The following RHBDL2 variants were observed in gnomAD, a reference collection of about 807,000 sequenced individuals.
RHBDL2 encodes the protein rhomboid-related protein 2.
RHBDL2 carries 26 observed loss-of-function variants against 31.7 expected under a neutral mutation model. The observed-to-expected ratio is 0.82, with a 90% CI of 0.60 to 1.14. RHBDL2 has a LOEUF of 1.14. Among genes scored for constraint, RHBDL2 ranks in the 50% most tolerant of loss-of-function variants. The pLI, the probability that RHBDL2 is intolerant of heterozygous loss-of-function variation, is 0.00. For synonymous variants in RHBDL2, 123 were observed against 127.2 expected (o/e 0.97, Z 0.22); for missense variants, 336 against 364.4 (o/e 0.92, Z 0.63).
At chr1:38,908,622 G>T (rs2124321989) in intron 4 of RHBDL2, among the ~76,000 whole-genome samples, 1 of 151,552 alleles carries the variant, frequency 6.6e-6, no homozygotes, top group South Asian at 2.1e-4. Flanking sequence ...TGGGGGTGTT[G>T]TTCGCTTCTT....
chr1:38,931,773 A>G (rs1643442125), intron 1 of RHBDL2, among the ~76,000 whole-genome samples: 1 of 152,132 alleles, frequency 6.6e-6, no homozygotes, highest in Admixed American at 6.5e-5. Context: ...GGGAATAAAG[A>G]CCTATAAATT....
intron 7 of RHBDL2, 107 bp downstream of exon 7, chr1:38,887,856 A>G (rs1642805778): frequency 2.6e-6 from 2 of 766,366 alleles, no homozygotes; most frequent in Non-Finnish European, 2.2e-6. Context: ...CTTAACTTCC[A>G]AATGGAAATT....
intron 4 of RHBDL2, among the ~76,000 whole-genome samples, chr1:38,899,924 G>A (rs556537504): frequency 3.9e-5 from 6 of 152,268 alleles, no homozygotes; most frequent in Non-Finnish European, 7.4e-5. Flanking sequence ...ATCCAGGGCC[G>A]TCCTCCTCTG....
At chr1:38,894,061 T>C (rs1184430003) in intron 5 of RHBDL2, among the ~76,000 whole-genome samples, 1 of 152,202 alleles carries the variant, frequency 6.6e-6, no homozygotes, top group African/African-American at 2.4e-5. Flanking sequence ...ATGTTTACTC[T>C]AAATCAATTA....
intron 7 of RHBDL2, among the ~76,000 whole-genome samples, chr1:38,887,330 C>G (rs2124296483): frequency 6.6e-6 from 1 of 152,342 alleles, no homozygotes; most frequent in Non-Finnish European, 1.5e-5. Context: ...ATCCTCCCAT[C>G]TCAGCTCCCC....
chr1:38,888,146 G>A, intron 6 of RHBDL2, 122 bp from the exon 7 acceptor site: 1 of 618,182 alleles, frequency 1.6e-6, no homozygotes, highest in South Asian at 2.2e-5. Flanking sequence ...CTCTGTGACA[G>A]GTGCTTTTCT....
chr1:38,931,304 G>A (rs1349294708), intron 1 of RHBDL2, among the ~76,000 whole-genome samples: 2 of 152,076 alleles, frequency 1.3e-5, no homozygotes, highest in South Asian at 2.1e-4. Flanking sequence ...GGCAGATCAC[G>A]AGGTCAGGAG....
At position 38,898,259 on chromosome 1, in the gene RHBDL2, G is replaced by A. The variant is rs568995751; in HGVS notation, c.509-2190C>T. 3.3e-5 allele frequency among the ~76,000 whole-genome samples: 5 copies of A among 152,266 alleles called. No homozygotes were observed. The South Asian group carries it at 6.2e-4, about 19-fold the overall frequency. On this transcript the variant is annotated intron_variant, in intron 4 of 7. Transcript: ENST00000372990. ...GCAGAGGTTGCAGGGAGCTGAGATCGCACCACTGCACTCCAGCCTGGTGAC... is the reference window on the plus strand; with the variant it reads ...GCAGAGGTTGCAGGGAGCTGAGATCACACCACTGCACTCCAGCCTGGTGAC...
chr1:38,929,392 C>T (rs1271792322), intron 1 of RHBDL2: 7 of 1,289,080 alleles, frequency 5.4e-6, no homozygotes, highest in Non-Finnish European at 7.1e-6. Context: ...AAATCAGGCT[C>T]ACCTTCCCTT....
chr1:38,924,550 C>T (rs188454074), intron 1 of RHBDL2, among the ~76,000 whole-genome samples: 25 of 151,818 alleles, frequency 1.6e-4, no homozygotes, highest in African/African-American at 5.1e-4. Flanking sequence ...GCCGAGATTG[C>T]GCCACTGCAC....
At chr1:38,901,318 T>C (rs1409540204) in intron 4 of RHBDL2, among the ~76,000 whole-genome samples, 2 of 149,840 alleles carry the variant, frequency 1.3e-5, no homozygotes, top group African/African-American at 4.9e-5. Context: ...AAAAATTAGC[T>C]GGGCTTGGTG....
chr1:38,899,297 G>A (rs1381973483), intron 4 of RHBDL2, among the ~76,000 whole-genome samples: 1 of 152,180 alleles, frequency 6.6e-6, no homozygotes, highest in African/African-American at 2.4e-5. Context: ...ACCAGAGGGG[G>A]GCCAGGCAAT....
intron 1 of RHBDL2, chr1:38,926,030 T>A (rs1484770702): frequency 8.0e-7 from 1 of 1,256,826 alleles, no homozygotes; most frequent in South Asian, 1.3e-5. Flanking sequence ...TAGTCGTCAT[T>A]TGTCAGTTTT....
chr1:38,893,379 T>C (rs953809508), intron 5 of RHBDL2, among the ~76,000 whole-genome samples, 155 bp from the exon 6 acceptor site: 1 of 152,194 alleles, frequency 6.6e-6, no homozygotes, highest in African/African-American at 2.4e-5. Flanking sequence ...TTTTTAAATG[T>C]ATTTGGGAAG....
At chr1:38,908,709 C>G (rs528625269) in intron 4 of RHBDL2, among the ~76,000 whole-genome samples, 6 of 151,954 alleles carry the variant, frequency 3.9e-5, no homozygotes, top group African/African-American at 1.4e-4. Context: ...CGGCAGTGAT[C>G]TAGGGGTGAA....
At chr1:38,915,743 C>G in intron 2 of RHBDL2, 33 bp from the exon 3 acceptor site, 1 of 1,611,976 alleles carries the variant, frequency 6.2e-7, no homozygotes, top group African/African-American at 1.3e-5. Flanking sequence ...GTATTAACCA[C>G]ACCTTCTCCA....
chr1:38,918,414 T>A, intron 2 of RHBDL2, among the ~76,000 whole-genome samples: 1 of 152,162 alleles, frequency 6.6e-6, no homozygotes, highest in East Asian at 1.9e-4. Context: ...GTGACTATGA[T>A]GTGACCTTGG....
chr1:38,935,984 C>T (rs1236953390), intron 1 of RHBDL2, among the ~76,000 whole-genome samples: 2 of 152,034 alleles, frequency 1.3e-5, no homozygotes, highest in African/African-American at 4.8e-5. Flanking sequence ...GCAAACCCAA[C>T]TCACTGAAGC....
At chr1:38,905,033 A>AAAAAAT (rs1052815335) in intron 4 of RHBDL2, among the ~76,000 whole-genome samples, 7 of 150,940 alleles carry the variant, frequency 4.6e-5, no homozygotes, top group African/African-American at 9.7e-5. Flanking sequence ...TCCGTCTCAA[A>AAAAAAT]AAAAATAAAA....
Sources: gnomAD v4.1 joint callset for allele counts (sites outside exome capture counted in the v4.1 genomes callset) on GRCh38, gnomAD v4.1.1 for gene constraint, MANE v1.5 for transcripts, NCBI Gene and HGNC (gene_info 2026-07-23, HGNC 2026-07-21) for gene names.